Variants in KCTD16 observed in about 807,000 individuals in gnomAD.
The protein encoded by KCTD16 is potassium channel tetramerization domain containing 16, also known as BTB/POZ domain-containing protein KCTD16.
Under a neutral mutation model 33.2 loss-of-function variants are expected in KCTD16, and 13 were observed. The observed-to-expected ratio is 0.39, with a 90% CI of 0.25 to 0.62. KCTD16 has a LOEUF of 0.62. KCTD16 is among the 20% of genes least tolerant of loss of function. The probability of loss-of-function intolerance (pLI) is 0.50; values close to 1 mark genes in which losing one functional copy is unlikely to be tolerated. For missense variants in KCTD16, 441 were observed against 525.1 expected (o/e 0.84, Z 1.57); for synonymous variants, 197 against 195.3 (o/e 1.01, Z -0.07).
intron 3 of KCTD16, among the ~76,000 whole-genome samples, chr5:144,424,187 T>C (rs1224933565): frequency 2.0e-5 from 3 of 152,178 alleles, no homozygotes; most frequent in Middle Eastern, 3.2e-3. Context: ...AGACCTATCA[T>C]TTTAAATATT....
intron 3 of KCTD16, among the ~76,000 whole-genome samples, chr5:144,223,387 T>A (rs1482620926): frequency 6.6e-6 from 1 of 152,134 alleles, no homozygotes; most frequent in African/African-American, 2.4e-5. Context: ...AACACAGATA[T>A]GTAGCTAATA....
chr5:144,240,598 C>T lies in KCTD16; in HGVS notation c.832+33052C>T, dbSNP rs150744401. On this transcript the variant is annotated intron_variant, in intron 3 of 3. Transcript: ENST00000512467. Reference sequence around the variant, plus strand: ...TTAACTTGATTTTCACAAATGTTTCCGCTAATATTCTCTTTCTGTTAGAAA... The same window carrying T: ...TTAACTTGATTTTCACAAATGTTTCTGCTAATATTCTCTTTCTGTTAGAAA... 2.4e-4 allele frequency among the ~76,000 whole-genome samples: 37 copies of T among 152,114 alleles called. No individual in the cohort carries two copies. In the East Asian group the frequency reaches 5.0e-3, roughly 21 times the overall value.
rs150393390 is a variant in KCTD16 at position 144,206,764 on chromosome 5, C to G, written c.50C>G (p.Ser17Cys). The change falls in exon 3 of 4, where the codon TCC (serine) becomes TGC (cysteine). Residue 17 changes from serine to cysteine, a missense_variant. This residue lies in a region of KCTD16 where 80 missense variants were observed against 88.5 expected (regional missense o/e 0.90). Coordinates refer to ENST00000512467, the MANE Select transcript of KCTD16 (RefSeq NM_020768.4). ...CGTTATTATCCTCGAGAACAAGGGT[C>G]CGCAGTTCCCAACTCCTTCCCTGAG... ...CSRYYPREQG[S>C]AVPNSFPEVV... is the part of the protein sequence containing the mutation. The G allele has an allele frequency of 2.0e-5, 32 of 1,613,986 alleles. No individual in the cohort carries two copies. Among genetic ancestry groups the G allele is most frequent in the Non-Finnish European group, 2.5e-5 (30 of 1,180,032 alleles).
chr5:144,429,125 A>C (rs558876097), intron 3 of KCTD16, among the ~76,000 whole-genome samples: 1 of 152,174 alleles, frequency 6.6e-6, no homozygotes, highest in African/African-American at 2.4e-5. Context: ...AAATCTAAGG[A>C]AACGGTGATG....
chr5:144,443,246 G>A (rs1279459959), intron 3 of KCTD16, among the ~76,000 whole-genome samples: 1 of 152,024 alleles, frequency 6.6e-6, no homozygotes, highest in Non-Finnish European at 1.5e-5. Flanking sequence ...GAGGTGAAGG[G>A]CACATAATGG....
Position 144,327,732 on chromosome 5 carries a change from T to C in KCTD16, c.832+120186T>C, listed in dbSNP as rs577197446. Among the ~76,000 whole-genome samples the C allele has an allele frequency of 1.8e-4, 27 of 152,300 alleles. No individual in the cohort carries two copies. The East Asian group carries it at 4.2e-3, about 24-fold the overall frequency. On this transcript the variant is annotated intron_variant, in intron 3 of 3. Transcript: ENST00000512467. Reference sequence around the variant, plus strand: ...TTCATCCTGCTTTTTATTTAATATATGTAGGATGTAATTCTATGAACACAT... The same window carrying C: ...TTCATCCTGCTTTTTATTTAATATACGTAGGATGTAATTCTATGAACACAT...
At chr5:144,348,519 G>A (rs1752863848) in intron 3 of KCTD16, among the ~76,000 whole-genome samples, 1 of 152,108 alleles carries the variant, frequency 6.6e-6, no homozygotes, top group South Asian at 2.1e-4. Flanking sequence ...CCTATTGAGC[G>A]GGTCAGTAGT....
At chr5:144,247,450 T>C (rs1754581014) in intron 3 of KCTD16, among the ~76,000 whole-genome samples, 1 of 152,154 alleles carries the variant, frequency 6.6e-6, no homozygotes, top group Admixed American at 6.5e-5. Flanking sequence ...GAGAGACCTA[T>C]AGATGATTTT....
chr5:144,377,192 CT>C (rs1752113633), intron 3 of KCTD16, among the ~76,000 whole-genome samples: 1 of 152,174 alleles, frequency 6.6e-6, no homozygotes, highest in Admixed American at 6.6e-5. Flanking sequence ...TGGACTGTCT[CT>C]CTTTTTACTT....
chr5:144,194,727 A>G (rs1375279483), intron 2 of KCTD16, among the ~76,000 whole-genome samples: 1 of 152,196 alleles, frequency 6.6e-6, no homozygotes, highest in Admixed American at 6.5e-5. Flanking sequence ...TGTGGCTCAG[A>G]TGTATGTAAC....
At chr5:144,200,686 A>T (rs1030190350) in intron 2 of KCTD16, among the ~76,000 whole-genome samples, 1 of 152,214 alleles carries the variant, frequency 6.6e-6, no homozygotes, top group Non-Finnish European at 1.5e-5. Flanking sequence ...CCAAAGGCTA[A>T]ATACGGCACT....
chr5:144,309,820 C>T (rs149133310), intron 3 of KCTD16, among the ~76,000 whole-genome samples: 22 of 151,792 alleles, frequency 1.4e-4, no homozygotes, highest in African/African-American at 5.1e-4. Context: ...GTTACTTGAA[C>T]GAATTCATTT....
At chr5:144,356,547 C>T (rs1342660603) in intron 3 of KCTD16, among the ~76,000 whole-genome samples, 1 of 152,042 alleles carries the variant, frequency 6.6e-6, no homozygotes, top group Non-Finnish European at 1.5e-5. Context: ...GGGTTTACTG[C>T]CCATTGGAAG....
intron 3 of KCTD16, among the ~76,000 whole-genome samples, chr5:144,218,338 T>A (rs1015446090): frequency 6.6e-5 from 10 of 152,176 alleles, no homozygotes; most frequent in African/African-American, 2.4e-4. Context: ...ATATTAATAC[T>A]TAGAGAGGAG....
At chr5:144,233,467 A>G (rs1057177905) in intron 3 of KCTD16, among the ~76,000 whole-genome samples, 1 of 152,168 alleles carries the variant, frequency 6.6e-6, no homozygotes, top group African/African-American at 2.4e-5. Flanking sequence ...TATGCCTGGA[A>G]AAAAGAAAAA....
intron 3 of KCTD16, among the ~76,000 whole-genome samples, chr5:144,388,851 T>C (rs1752389652): frequency 6.6e-6 from 1 of 152,236 alleles, no homozygotes; most frequent in Admixed American, 6.5e-5. Context: ...ACAAAGACTT[T>C]GTTCTCGTGA....
chr5:144,435,965 T>C (rs988161081), intron 3 of KCTD16, among the ~76,000 whole-genome samples: 4 of 152,110 alleles, frequency 2.6e-5, no homozygotes, highest in African/African-American at 9.7e-5. Context: ...TGGCCTAGAG[T>C]CCATTCTCCA....
At chr5:144,297,919 CT>C in intron 3 of KCTD16, among the ~76,000 whole-genome samples, 1 of 152,184 alleles carries the variant, frequency 6.6e-6, no homozygotes, top group Non-Finnish European at 1.5e-5. Context: ...TCTGGTCCAA[CT>C]CGGCTAGAGC....
At position 144,439,342 on chromosome 5, in the gene KCTD16, C is replaced by G. The variant is rs139455140; in HGVS notation, c.833-34318C>G. On this transcript the variant is annotated intron_variant, in intron 3 of 3. Coordinates refer to ENST00000512467, the MANE Select transcript of KCTD16 (RefSeq NM_020768.4). ...AATTGAATGGAGGAATCTTGGAGTT[C>G]AGCAGAGTATGAATCTGAATGGAGG... 1.4e-3 allele frequency: 730 copies of G among 507,634 alleles called. 6 individuals carry two copies. The highest frequency in any genetic ancestry group is 3.2e-3 in the South Asian group (199 of 61,674). The allele number at this position is 507,634 out of a possible 1,614,324, so 31.4% of individuals were successfully genotyped here.
Sources: gnomAD v4.1 joint callset for allele counts (sites outside exome capture counted in the v4.1 genomes callset) on GRCh38, gnomAD v4.1.1 for gene constraint, gnomAD v4.1.1 regional missense constraint, MANE v1.5 for transcripts, NCBI Gene and HGNC (gene_info 2026-07-23, HGNC 2026-07-21) for gene names.